The following PCDHGA5 variants were observed in gnomAD, a reference collection of about 807,000 sequenced individuals.
PCDHGA5 encodes the protein protocadherin gamma-A5.
PCDHGA5 carries 36 observed loss-of-function variants against 56.7 expected under a neutral mutation model. The observed-to-expected ratio is 0.64, with a 90% CI of 0.49 to 0.84. The LOEUF (loss-of-function observed/expected upper bound fraction) is 0.84. PCDHGA5 is among the 40% of genes least tolerant of loss of function. The pLI, the probability that PCDHGA5 is intolerant of heterozygous loss-of-function variation, is 0.00. For synonymous variants in PCDHGA5, 563 were observed against 520.2 expected (o/e 1.08, Z -1.12); for missense variants, 1,305 against 1,201.5 (o/e 1.09, Z -1.27).
At position 141,490,521 on chromosome 5, in the gene PCDHGA5, C is replaced by T. The variant is rs146064810; in HGVS notation, c.2422-4286C>T. The stretch of plus-strand genomic sequence containing the variant: ...ACTATATCATCGAGCTGCTGGCCAG[C>T]GATGCTGGTTCACCTTCCCTACACA... On this transcript the variant is annotated intron_variant, in intron 1 of 3. Coordinates refer to ENST00000518069, the MANE Select transcript of PCDHGA5 (RefSeq NM_018918.3). This position sits in a 1 kb window ranked among gnomAD's most constrained non-coding sequence, Gnocchi z 5.4. The T allele has an allele frequency of 1.0e-4, 166 of 1,614,058 alleles. No individual in the cohort carries two copies. In the African/African-American group the frequency reaches 1.7e-3, roughly 16 times the overall value.
chr5:141,415,754 T>TTTTG, intron 1 of PCDHGA5: 1 of 1,385,736 alleles, frequency 7.2e-7, no homozygotes, highest in Non-Finnish European at 9.3e-7. Flanking sequence ...TTTTTTTTTT[T>TTTTG]TTTTTTTTTT....
At position 141,365,820 on chromosome 5, in the gene PCDHGA5, A is replaced by G; in HGVS notation, c.1490A>G (p.Gln497Arg). 6.2e-7 allele frequency: 1 copy of G among 1,613,898 alleles called. No individual in the cohort carries two copies. The highest frequency in any genetic ancestry group is 2.2e-5 in the East Asian group (1 of 44,876). Residue 497 changes from glutamine (Q) to arginine (R), a missense_variant, in exon 1 of 4, where the codon CAG (glutamine) becomes CGG (arginine). Gln to Arg is a conservative substitution (Grantham distance 43, BLOSUM62 1). Transcript: ENST00000518069. ...TACTCCCTGGCTGAAGACACATTTCAGGGGGCGCCCTTGTCCTCCTATGTA... is the reference window on the plus strand; with the variant it reads ...TACTCCCTGGCTGAAGACACATTTCGGGGGGCGCCCTTGTCCTCCTATGTA... ...VTYSLAEDTFQGAPLSSYVSI... is the reference protein window; with the variant it reads ...VTYSLAEDTFRGAPLSSYVSI...
At position 141,383,936 on chromosome 5, in the gene PCDHGA5, A is replaced by C. The variant is rs563490528; in HGVS notation, c.2421+17185A>C. ...TTAGATGTAAATGATAATGCTCCAG[A>C]AGTGACTATGACGTCTTTAAGTAGC... On this transcript the variant is annotated intron_variant, in intron 1 of 3. Transcript: ENST00000518069. The C allele has an allele frequency of 1.9e-6, 3 of 1,613,936 alleles. No individual in the cohort carries two copies. In the East Asian group the frequency reaches 6.7e-5, roughly 36 times the overall value.
chr5:141,422,397 C>T (rs753017439), intron 1 of PCDHGA5: 4 of 1,597,606 alleles, frequency 2.5e-6, no homozygotes, highest in East Asian at 4.5e-5. Context: ...TTCCTAACCA[C>T]CTGCCTTTTA....
chr5:141,420,438 GC>G, intron 1 of PCDHGA5: 1 of 1,107,996 alleles, frequency 9.0e-7, no homozygotes, highest in Non-Finnish European at 1.2e-6. Flanking sequence ...TAAATTAAAT[GC>G]CTCAGTCTTC....
Position 141,432,254 on chromosome 5 carries a change from G to A in PCDHGA5, c.2422-62553G>A, listed in dbSNP as rs935437220. 6.2e-7 allele frequency: 1 copy of A among 1,614,242 alleles called. No homozygotes were observed. The highest frequency in any genetic ancestry group is 8.5e-7 in the Non-Finnish European group (1 of 1,180,050). ...CCTGGCTGAGAACACCATCCAAGGG[G>A]CAAGCCTATCGTCCTACGTGTCCAT... On this transcript the variant is annotated intron_variant, in intron 1 of 3. Transcript: ENST00000518069. The surrounding 1 kb of genome is among the most constrained non-coding windows in gnomAD (Gnocchi z 6.0).
In PCDHGA5 at chr5:141,477,053, G is replaced by A; in HGVS notation, c.2422-17754G>A. On this transcript the variant is annotated intron_variant, in intron 1 of 3. Transcript: ENST00000518069. This position sits in a 1 kb window ranked among gnomAD's most constrained non-coding sequence, Gnocchi z 4.9. ...GACAATCAAGGGTCGGCTGGACTTC[G>A]AGGACACCAAACTCCATGAGATTTA... The A allele has an allele frequency of 1.9e-6, 3 of 1,614,230 alleles. No homozygotes were observed. The highest frequency in any genetic ancestry group is 2.5e-6 in the Non-Finnish European group (3 of 1,180,032).
intron 1 of PCDHGA5, chr5:141,398,760 C>T: frequency 6.2e-7 from 1 of 1,613,898 alleles, no homozygotes; most frequent in Non-Finnish European, 8.5e-7. Flanking sequence ...ATCGTTTAGT[C>T]CTGACTGCCT....
At chr5:141,505,523 G>C in intron 3 of PCDHGA5, 42 bp downstream of exon 3, 2 of 1,612,760 alleles carry the variant, frequency 1.2e-6, no homozygotes, top group South Asian at 2.2e-5. Context: ...GGGAGACCTG[G>C]GGTTCTGGGG....
intron 1 of PCDHGA5, among the ~76,000 whole-genome samples, chr5:141,367,949 A>G (rs144686232): frequency 4.9e-4 from 75 of 152,326 alleles, no homozygotes; most frequent in African/African-American, 1.7e-3. Context: ...AAAATTTTAA[A>G]TTTCATATCT....
intron 1 of PCDHGA5, chr5:141,395,296 ATG>A: frequency 6.6e-7 from 1 of 1,524,308 alleles, no homozygotes. Flanking sequence ...GGCATAAATT[ATG>A]TTTTGAAAAA....
intron 1 of PCDHGA5, among the ~76,000 whole-genome samples, chr5:141,450,397 C>T (rs529143168): frequency 6.6e-6 from 1 of 152,300 alleles, no homozygotes; most frequent in South Asian, 2.1e-4. Flanking sequence ...TTTGTAAAGA[C>T]TAGAAGCCAT....
intron 1 of PCDHGA5, chr5:141,398,750 A>G (rs144881560): frequency 1.1e-5 from 17 of 1,613,502 alleles, no homozygotes; most frequent in Middle Eastern, 1.6e-4. Flanking sequence ...CAGAGTTACC[A>G]TCGTTTAGTC....
chr5:141,372,729 G>T, intron 1 of PCDHGA5: 1 of 1,613,602 alleles, frequency 6.2e-7, no homozygotes. Context: ...TGCACCACAA[G>T]ATCTTCTATG....
intron 1 of PCDHGA5, chr5:141,383,858 A>C (rs1368399969): frequency 1.2e-6 from 2 of 1,613,996 alleles, no homozygotes. Flanking sequence ...ATGGAGGTTC[A>C]GGCTCAAGAT....
chr5:141,421,736 G>A lies in PCDHGA5; in HGVS notation c.2421+54985G>A, dbSNP rs767237323. 5.3e-5 allele frequency: 86 copies of A among 1,613,810 alleles called. No individual in the cohort carries two copies. The highest frequency in any genetic ancestry group is 6.9e-5 in the Non-Finnish European group (82 of 1,179,858). Reference sequence around the variant, plus strand: ...GATGTGGGCGTGAACTCCCTCCAGAGCTACCAGCTCAGCCCTAATAATTAC... The same window carrying A: ...GATGTGGGCGTGAACTCCCTCCAGAACTACCAGCTCAGCCCTAATAATTAC... On this transcript the variant is annotated intron_variant, in intron 1 of 3. Transcript: ENST00000518069.
intron 1 of PCDHGA5, chr5:141,393,973 G>T (rs776954838): frequency 4.3e-6 from 7 of 1,613,668 alleles, no homozygotes; most frequent in Non-Finnish European, 5.1e-6. Context: ...TGTTACACAC[G>T]TGATAATTTA....
chr5:141,370,017 C>T lies in PCDHGA5; in HGVS notation c.2421+3266C>T, dbSNP rs1160186023. Among the ~76,000 whole-genome samples the T allele has an allele frequency of 2.0e-5, 3 of 152,276 alleles. No individual in the cohort carries two copies. In the East Asian group the frequency reaches 5.8e-4, roughly 29 times the overall value. On this transcript the variant is annotated intron_variant, in intron 1 of 3. Transcript: ENST00000518069. Reference sequence around the variant, plus strand: ...AGCTCAAATTAAAAGAAATAACAGACTAAAGATATAGTAAGTATATTTAAT... The same window carrying T: ...AGCTCAAATTAAAAGAAATAACAGATTAAAGATATAGTAAGTATATTTAAT...
intron 1 of PCDHGA5, chr5:141,376,580 C>G (rs1351878933): frequency 1.3e-6 from 2 of 1,589,974 alleles, no homozygotes; most frequent in South Asian, 1.1e-5. Flanking sequence ...ACAGGCTCAT[C>G]AGCTAGATCG....
Sources: allele counts gnomAD v4.1 joint callset (sites outside exome capture counted in the v4.1 genomes callset), GRCh38; gene constraint gnomAD v4.1.1; non-coding constraint Gnocchi (gnomAD v3.1); transcripts MANE v1.5; gene names NCBI Gene and HGNC (gene_info 2026-07-23, HGNC 2026-07-21).